The following SMOX variants were observed in gnomAD, a reference collection of about 807,000 sequenced individuals.
SMOX encodes the protein flavin containing amine oxidase.
Under a neutral mutation model 51.0 loss-of-function variants are expected in SMOX, and 22 were observed. The observed-to-expected ratio is 0.43, with a 90% CI of 0.31 to 0.62. The LOEUF (loss-of-function observed/expected upper bound fraction) is 0.62. SMOX is among the 20% of genes least tolerant of loss of function. The pLI is 0.10. For synonymous variants in SMOX, 282 were observed against 307.8 expected, an observed-to-expected ratio of 0.92 and a Z score of 0.88; for missense variants, 566 against 777.7, an observed-to-expected ratio of 0.73 and a Z score of 3.24.
intron 1 of SMOX, among the ~76,000 whole-genome samples, chr20:4,154,684 C>G (rs1985919977): frequency 6.6e-6 from 1 of 152,132 alleles, no homozygotes; most frequent in East Asian, 1.9e-4. Flanking sequence ...TTTTAATAAG[C>G]TCCTTGGCAG....
intron 1 of SMOX, among the ~76,000 whole-genome samples, chr20:4,165,765 G>A (rs1986545709): frequency 6.6e-6 from 1 of 152,170 alleles, no homozygotes; most frequent in African/African-American, 2.4e-5. Flanking sequence ...ACTCTCCCAA[G>A]GCCACACTGG....
In SMOX at chr20:4,153,336, T is replaced by C. The variant is rs563642567; in HGVS notation, c.-27+4359T>C. Among the ~76,000 whole-genome samples the C allele has an allele frequency of 3.3e-5, 5 of 152,268 alleles. No homozygotes were observed. The highest frequency in any genetic ancestry group is 3.3e-4 in the Admixed American group (5 of 15,296). Reference sequence around the variant, plus strand: ...CTGTAAAATGGGATTAGAGGGACTTTTTTTCTTTGCTCCCTGGAGGTCACA... The same window carrying C: ...CTGTAAAATGGGATTAGAGGGACTTCTTTTCTTTGCTCCCTGGAGGTCACA... On this transcript the variant is annotated intron_variant, in intron 1 of 6. Coordinates refer to ENST00000305958, the MANE Select transcript of SMOX (RefSeq NM_175839.3). The surrounding 1 kb of genome is among the most constrained non-coding windows in gnomAD (Gnocchi z 4.4).
At chr20:4,180,746 C>T (rs1358466713) in intron 3 of SMOX, among the ~76,000 whole-genome samples, 1 of 152,166 alleles carries the variant, frequency 6.6e-6, no homozygotes, top group African/African-American at 2.4e-5. Context: ...GTTGCTGTTC[C>T]CTCTGCCTGA....
intron 1 of SMOX, among the ~76,000 whole-genome samples, chr20:4,158,862 A>G (rs919675660): frequency 2.6e-5 from 4 of 151,834 alleles, no homozygotes; most frequent in Non-Finnish European, 4.4e-5. Flanking sequence ...TGGTGGTGAT[A>G]CTCCTTGCAG....
At chr20:4,186,027 G>A (rs1979704567) in intron 6 of SMOX, among the ~76,000 whole-genome samples, 1 of 152,178 alleles carries the variant, frequency 6.6e-6, no homozygotes, top group Non-Finnish European at 1.5e-5. Flanking sequence ...TCTGGCCAGG[G>A]ATGCAGGCTC....
chr20:4,161,000 G>C (rs1409479677), intron 1 of SMOX, among the ~76,000 whole-genome samples: 2 of 152,342 alleles, frequency 1.3e-5, no homozygotes, highest in Non-Finnish European at 2.9e-5. Flanking sequence ...GGGCCGCTGA[G>C]GGGGAACTGC....
At chr20:4,174,577 AG>A (rs1213418883) in intron 1 of SMOX, among the ~76,000 whole-genome samples, 1 of 152,130 alleles carries the variant, frequency 6.6e-6, no homozygotes, top group Non-Finnish European at 1.5e-5. Flanking sequence ...CAGAATCAGC[AG>A]CCCCAAGCTC....
rs778043303 is a variant in SMOX, at chr20:4,175,127, G to C, written c.72G>C (p.Gln24His). The change falls in exon 2 of 7, where the codon CAG becomes CAC. Residue 24 changes from glutamine (Q) to histidine (H), a missense_variant. Gln to His is a conservative substitution (Grantham distance 24). Coordinates refer to ENST00000305958, the MANE Select transcript of SMOX (RefSeq NM_175839.3). ...GTCGCGGCCTACGGAGAAGGGGACA[G>C]CCTCGTGTGGTGGTGATCGGCGCCG... is the stretch of plus-strand genomic sequence containing the variant. ...PLSRGLRRRG[Q>H]PRVVVIGAGL... is the part of the protein sequence containing the mutation. 22 of 1,614,124 alleles carry C rather than the reference G, an allele frequency of 1.4e-5. No individual in the cohort carries two copies. The highest frequency in any genetic ancestry group is 1.6e-4 in the Middle Eastern group (1 of 6,084).
chr20:4,182,944 C>T lies in SMOX; in HGVS notation c.1369+96C>T, dbSNP rs894524939. On this transcript the variant is annotated intron_variant, in intron 5 of 6. Coordinates refer to ENST00000305958, the MANE Select transcript of SMOX (RefSeq NM_175839.3). The surrounding 1 kb of genome is among the most constrained non-coding windows in gnomAD (Gnocchi z 8.4). ...CATGGCAGCTCTCTCCTCCCCAGACCGTGAAGCTCGGATGCTGTGCCCCAC... is the reference window on the plus strand; with the variant it reads ...CATGGCAGCTCTCTCCTCCCCAGACTGTGAAGCTCGGATGCTGTGCCCCAC... 46 of 1,460,802 alleles carry T rather than the reference C, an allele frequency of 3.1e-5. No individual in the cohort carries two copies. Among genetic ancestry groups the T allele is most frequent in the African/African-American group, 1.8e-4 (13 of 71,520 alleles). 90.5% of individuals were successfully genotyped at this position (1,460,802 alleles called of 1,614,324 possible).
chr20:4,187,127 A>G lies in SMOX; in HGVS notation c.1531-143A>G. The stretch of plus-strand genomic sequence containing the variant: ...GGCCAGATAGGATGGGCAGCTCTTC[A>G]TCCTGTGGAAGCAGCAGCACCTGCG... On this transcript the variant is annotated intron_variant, in intron 6 of 6. Coordinates refer to ENST00000305958, the MANE Select transcript of SMOX (RefSeq NM_175839.3). The surrounding 1 kb of genome is among the most constrained non-coding windows in gnomAD (Gnocchi z 4.8). The G allele has an allele frequency of 9.0e-7, 1 of 1,107,220 alleles. No individual in the cohort carries two copies. Among genetic ancestry groups the G allele is most frequent in the Non-Finnish European group, 1.3e-6 (1 of 795,184 alleles). The allele number at this position is 1,107,220 out of a possible 1,614,324, so 68.6% of individuals were successfully genotyped here.
At position 4,167,268 on chromosome 20, in the gene SMOX, G is replaced by T. The variant is rs1986607182; in HGVS notation, c.-26-7762G>T. Reference sequence around the variant, plus strand: ...TAGTAGGGTTGGGGCCAAGGTGAAGGCTGGGTTCTGAGCTCAGATGAAGAT... The same window carrying T: ...TAGTAGGGTTGGGGCCAAGGTGAAGTCTGGGTTCTGAGCTCAGATGAAGAT... On this transcript the variant is annotated intron_variant, in intron 1 of 6. Coordinates refer to ENST00000305958, the MANE Select transcript of SMOX (RefSeq NM_175839.3). The surrounding 1 kb of genome is among the most constrained non-coding windows in gnomAD (Gnocchi z 4.8). 1.3e-5 allele frequency among the ~76,000 whole-genome samples: 2 copies of T among 152,126 alleles called. No homozygotes were observed. The highest frequency in any genetic ancestry group is 6.5e-5 in the Admixed American group (1 of 15,270).
rs1978941847 is a variant in SMOX at position 4,177,348 on chromosome 20, C to T, written c.209-3C>T. 6.4e-7 allele frequency: 1 copy of T among 1,551,744 alleles called. No individual in the cohort carries two copies. Among genetic ancestry groups the T allele is most frequent in the Non-Finnish European group, 8.7e-7 (1 of 1,147,018 alleles). ...TCTAAGGGCCTGCTGTTGTCACCCT[C>T]AGGACACGCCACCTTTGAGCTGGGA... On this transcript the variant is annotated splice_region_variant and splice_polypyrimidine_tract_variant and intron_variant, in intron 2 of 6. Transcript: ENST00000305958. The surrounding 1 kb of genome is among the most constrained non-coding windows in gnomAD (Gnocchi z 4.3).
At chr20:4,186,641 A>G in intron 6 of SMOX, 9 of 721,860 alleles carry the variant, frequency 1.2e-5, no homozygotes, top group South Asian at 3.0e-5. Context: ...ATCCCCTGAC[A>G]CTGGGCCTCT....
At chr20:4,184,383 A>G (rs1979581392) in intron 6 of SMOX, among the ~76,000 whole-genome samples, 1 of 152,186 alleles carries the variant, frequency 6.6e-6, no homozygotes, top group Admixed American at 6.5e-5. Context: ...ATAGTAAAGT[A>G]CATAGCGATA....
Position 4,170,772 on chromosome 20 carries a change from A to G in SMOX, c.-26-4258A>G, listed in dbSNP as rs932531711. 6.6e-5 allele frequency among the ~76,000 whole-genome samples: 10 copies of G among 152,114 alleles called. No individual in the cohort carries two copies. Among genetic ancestry groups the G allele is most frequent in the African/African-American group, 1.9e-4 (8 of 41,492 alleles). The stretch of plus-strand genomic sequence containing the variant: ...ATACCCTGCTGCCTTCCTGTGTCCA[A>G]TGTGGCCTCTTGGGACACTTCAGTC... On this transcript the variant is annotated intron_variant, in intron 1 of 6. Coordinates refer to ENST00000305958, the MANE Select transcript of SMOX (RefSeq NM_175839.3). This position sits in a 1 kb window ranked among gnomAD's most constrained non-coding sequence, Gnocchi z 4.6.
rs763986370 is a variant in SMOX at position 4,175,182 on chromosome 20, C to A, written c.127C>A (p.Leu43Ile). 8.1e-6 allele frequency: 13 copies of A among 1,614,080 alleles called. No individual in the cohort carries two copies. Among genetic ancestry groups the A allele is most frequent in the Non-Finnish European group, 8.5e-6 (10 of 1,180,050 alleles). ...GGCTGGCCTGGCTGCAGCCAAAGCA[C>A]TTCTTGAGCAGGGTTTCACGGATGT... ...GLAGLAAAKA[L>I]LEQGFTDVTV... Residue 43 changes from leucine (L) to isoleucine (I), a missense_variant, in exon 2 of 7, where the codon CTT becomes ATT. Physicochemically the swap from Leu to Ile is conservative, Grantham distance 5. Transcript: ENST00000305958.
chr20:4,164,142 A>G (rs1448421186), intron 1 of SMOX, among the ~76,000 whole-genome samples: 2 of 151,998 alleles, frequency 1.3e-5, no homozygotes, highest in African/African-American at 4.8e-5. Flanking sequence ...TTGTCATTCC[A>G]TAACAGTGTC....
chr20:4,179,869 A>ATG (rs1266177242), intron 3 of SMOX, among the ~76,000 whole-genome samples: 1 of 152,166 alleles, frequency 6.6e-6, no homozygotes, highest in African/African-American at 2.4e-5. Context: ...GACCTGTCCG[A>ATG]TTTTCCTTGG....
chr20:4,156,052 C>A (rs1986007937), intron 1 of SMOX, among the ~76,000 whole-genome samples: 1 of 152,134 alleles, frequency 6.6e-6, no homozygotes, highest in African/African-American at 2.4e-5. Flanking sequence ...AAAGACTGTT[C>A]TGCGCAATCT....
Sources: gnomAD v4.1 joint callset for allele counts (sites outside exome capture counted in the v4.1 genomes callset) on GRCh38, gnomAD v4.1.1 for gene constraint, Gnocchi (gnomAD v3.1) non-coding constraint, MANE v1.5 for transcripts, NCBI Gene and HGNC (gene_info 2026-07-23, HGNC 2026-07-21) for gene names.